Variants in AKAP7 observed in about 807,000 individuals in gnomAD.
The protein encoded by AKAP7 is A kinase (PRKA) anchor protein 7.
In AKAP7, 39 loss-of-function variants were observed where a neutral mutation model predicts 39.5. That is an observed-to-expected ratio of 0.99 (90% CI 0.76 to 1.29). AKAP7 has a LOEUF of 1.29. Ranked by LOEUF, AKAP7 falls within the 50% of genes most tolerant of loss-of-function variation. The probability of loss-of-function intolerance (pLI) is 0.00; values close to 1 mark genes in which losing one functional copy is unlikely to be tolerated. For missense variants in AKAP7, 414 were observed against 407.7 expected (o/e 1.02, Z -0.13); for synonymous variants, 140 against 139.1 (o/e 1.01, Z -0.05).
At chr6:131,161,234 C>T (rs1802912293) in intron 3 of AKAP7, among the ~76,000 whole-genome samples, 1 of 152,072 alleles carries the variant, frequency 6.6e-6, no homozygotes, top group South Asian at 2.1e-4. Context: ...AGAAGATATA[C>T]ATAACAAGAG....
intron 7 of AKAP7, among the ~76,000 whole-genome samples, chr6:131,277,459 T>C (rs1256921980): frequency 6.6e-6 from 1 of 152,182 alleles, no homozygotes; most frequent in African/African-American, 2.4e-5. Flanking sequence ...TATCAAAAGA[T>C]AGTTTGTGTG....
chr6:131,250,389 A>G, intron 7 of AKAP7: 2 of 1,443,078 alleles, frequency 1.4e-6, no homozygotes, highest in Non-Finnish European at 1.8e-6. Context: ...TGCTCACGGC[A>G]GCAAGTTCCC....
chr6:131,196,301 T>C (rs1806924774), intron 5 of AKAP7, among the ~76,000 whole-genome samples: 1 of 147,654 alleles, frequency 6.8e-6, no homozygotes, highest in South Asian at 2.2e-4. Context: ...AGTCTCACTC[T>C]GTCACTCAGG....
At chr6:131,165,804 T>C (rs951841758) in intron 4 of AKAP7, among the ~76,000 whole-genome samples, 7 of 152,182 alleles carry the variant, frequency 4.6e-5, no homozygotes, top group Non-Finnish European at 7.3e-5. Flanking sequence ...ATTACTGCTT[T>C]CCAATCTGGA....
Position 131,282,248 on chromosome 6 carries a change from A to G in AKAP7, c.*522A>G. 7.4e-7 allele frequency: 1 copy of G among 1,352,124 alleles called. No individual in the cohort carries two copies. Among genetic ancestry groups the G allele is most frequent in the Non-Finnish European group, 9.5e-7 (1 of 1,058,118 alleles). 83.8% of individuals were successfully genotyped at this position (1,352,124 alleles called of 1,614,324 possible). A position where few individuals can be genotyped will look rare whatever the true frequency, so the allele number is the denominator to read the frequency against. On this transcript the variant is annotated 3_prime_UTR_variant, in exon 8 of 8. Coordinates refer to ENST00000431975, the MANE Select transcript of AKAP7 (RefSeq NM_016377.4). ...TGCAGTGTGATCTTTATTTATAGTAAATTATGTTTCATGTAAATGATATAT... is the reference window on the plus strand; with the variant it reads ...TGCAGTGTGATCTTTATTTATAGTAGATTATGTTTCATGTAAATGATATAT...
chr6:131,180,546 T>C lies in AKAP7; in HGVS notation c.589+11273T>C, dbSNP rs112127190. On this transcript the variant is annotated intron_variant, in intron 5 of 7. Coordinates refer to ENST00000431975, the MANE Select transcript of AKAP7 (RefSeq NM_016377.4). ...TTGCCTGTATTCTCTGTACCTTTCC[T>C]ACCTAGAATCTTTAAAATTTAAAAA... is the stretch of plus-strand genomic sequence containing the variant. Among the ~76,000 whole-genome samples the C allele has an allele frequency of 3.8e-3, 586 of 152,342 alleles. 2 individuals are homozygous for C. Among genetic ancestry groups the C allele is most frequent in the Admixed American group, 8.0e-3 (122 of 15,306 alleles).
At chr6:131,273,526 G>A (rs1326921814) in intron 7 of AKAP7, among the ~76,000 whole-genome samples, 2 of 152,080 alleles carry the variant, frequency 1.3e-5, no homozygotes, top group African/African-American at 2.4e-5. Flanking sequence ...GGGTTTTAAA[G>A]TATACATCTG....
chr6:131,265,279 C>T (rs944885970), intron 7 of AKAP7, among the ~76,000 whole-genome samples: 1 of 152,172 alleles, frequency 6.6e-6, no homozygotes, highest in Non-Finnish European at 1.5e-5. Flanking sequence ...GGATTACAGG[C>T]ATGTGCCACC....
chr6:131,153,664 T>C (rs965943275), intron 2 of AKAP7, among the ~76,000 whole-genome samples: 11 of 152,120 alleles, frequency 7.2e-5, no homozygotes, highest in African/African-American at 2.4e-4. Context: ...CAACGTAGTG[T>C]CAGTGGTCTT....
intron 7 of AKAP7, among the ~76,000 whole-genome samples, chr6:131,225,289 C>T (rs1403359766): frequency 6.6e-6 from 1 of 151,940 alleles, no homozygotes; most frequent in Non-Finnish European, 1.5e-5. Context: ...GCATGTTTTC[C>T]CCTCAGAAGC....
chr6:131,214,874 T>C (rs1368104514), intron 6 of AKAP7, among the ~76,000 whole-genome samples: 1 of 152,316 alleles, frequency 6.6e-6, no homozygotes, highest in East Asian at 1.9e-4. Context: ...ATTATTCTGC[T>C]CTTCTTTTCA....
intron 1 of AKAP7, among the ~76,000 whole-genome samples, chr6:131,139,118 A>C (rs1355880184): frequency 6.6e-6 from 1 of 152,222 alleles, no homozygotes; most frequent in East Asian, 1.9e-4. Context: ...TGTAGTTATG[A>C]CTGGTGTATT....
intron 7 of AKAP7, among the ~76,000 whole-genome samples, chr6:131,238,072 T>C (rs1485438645): frequency 6.6e-6 from 1 of 152,196 alleles, no homozygotes; most frequent in Non-Finnish European, 1.5e-5. Context: ...TACACACTGC[T>C]TTGAATGTGT....
intron 7 of AKAP7, chr6:131,242,265 C>T: frequency 1.1e-6 from 1 of 879,006 alleles, no homozygotes; most frequent in Non-Finnish European, 1.4e-6. Context: ...TACCAAAGAA[C>T]CATAGCTGCC....
chr6:131,145,451 G>T, intron 2 of AKAP7, 35 bp downstream of exon 2: 1 of 1,321,524 alleles, frequency 7.6e-7, no homozygotes, highest in Non-Finnish European at 9.9e-7. Flanking sequence ...GTATTTAGAA[G>T]CAATGAGTAG....
At chr6:131,185,814 A>C (rs1746474) in intron 5 of AKAP7, among the ~76,000 whole-genome samples, 45,669 of 151,976 alleles carry the variant, frequency 0.3, 7,451 homozygotes, top group Non-Finnish European at 0.36. Flanking sequence ...AAAGTTTTAA[A>C]TTTTTATGTA....
intron 1 of AKAP7, among the ~76,000 whole-genome samples, chr6:131,139,902 C>T (rs190845124): frequency 1.5e-3 from 232 of 152,252 alleles, no homozygotes; most frequent in African/African-American, 5.1e-3. Flanking sequence ...GACAGATAAA[C>T]GGACATGTAT....
rs578248163 is a variant in AKAP7, at chr6:131,184,397, A to G, written c.590-15064A>G. 1.1e-4 allele frequency: 76 copies of G among 663,882 alleles called. 1 individual carries two copies. The highest frequency in any genetic ancestry group is 1.8e-4 in the Non-Finnish European group (64 of 346,644). The allele number at this position is 663,882 out of a possible 1,614,324, so 41.1% of individuals were successfully genotyped here. A position where few individuals can be genotyped will look rare whatever the true frequency, so the allele number is the denominator to read the frequency against. ...GGTCCAGACACAGGTGGCACCTCCAACTTCCTTCAGGGGGCTCAGATATGG... is the reference window on the plus strand; with the variant it reads ...GGTCCAGACACAGGTGGCACCTCCAGCTTCCTTCAGGGGGCTCAGATATGG... On this transcript the variant is annotated intron_variant, in intron 5 of 7. Coordinates refer to ENST00000431975, the MANE Select transcript of AKAP7 (RefSeq NM_016377.4).
intron 6 of AKAP7, among the ~76,000 whole-genome samples, chr6:131,202,797 G>T (rs912816610): frequency 6.6e-6 from 1 of 151,938 alleles, no homozygotes; most frequent in African/African-American, 2.4e-5. Flanking sequence ...AACAAATTAT[G>T]ATATTATCAT....
Sources: gnomAD v4.1 joint callset for allele counts (sites outside exome capture counted in the v4.1 genomes callset) on GRCh38, gnomAD v4.1.1 for gene constraint, MANE v1.5 for transcripts, NCBI Gene and HGNC (gene_info 2026-07-23, HGNC 2026-07-21) for gene names.